Variants in UBE4B observed in about 807,000 individuals in gnomAD.
UBE4B encodes ubiquitination factor E4B.
Under a neutral mutation model 148.1 loss-of-function variants are expected in UBE4B, and 27 were observed. That is an observed-to-expected ratio of 0.18 (90% CI 0.13 to 0.25). The LOEUF is 0.25. Among genes scored for constraint, UBE4B ranks in the 10% least tolerant of loss-of-function variants. The pLI is 1.00. For synonymous variants in UBE4B, 596 were observed against 619.3 expected (o/e 0.96, Z 0.56); for missense variants, 1,170 against 1,662.4 (o/e 0.70, Z 5.15).
chr1:10,100,618 G>T (rs574348873), intron 3 of UBE4B, among the ~76,000 whole-genome samples: 2 of 152,168 alleles, frequency 1.3e-5, no homozygotes, highest in African/African-American at 4.8e-5. Flanking sequence ...GCAATGGTGC[G>T]ATCTCGGCTT....
intron 1 of UBE4B, among the ~76,000 whole-genome samples, chr1:10,036,349 G>GA (rs1284777248): frequency 6.6e-6 from 1 of 151,856 alleles, no homozygotes; most frequent in East Asian, 1.9e-4. Context: ...TAAAATAAAT[G>GA]AAAAAAATTA....
At chr1:10,052,095 C>A (rs61782895) in intron 1 of UBE4B, among the ~76,000 whole-genome samples, 5,381 of 148,992 alleles carry the variant, frequency 0.036, 149 homozygotes, top group South Asian at 0.081. Flanking sequence ...GAGACGGGGT[C>A]TTGCTCTGTC....
chr1:10,157,584 C>A (rs998647531), intron 21 of UBE4B, among the ~76,000 whole-genome samples: 1 of 152,064 alleles, frequency 6.6e-6, no homozygotes, highest in Non-Finnish European at 1.5e-5. Flanking sequence ...TCGAGACAAT[C>A]CTGGCCAATA....
rs761416677 is a variant in UBE4B, at chr1:10,106,512, G to A, written c.1125G>A (p.Thr375=). 39 of 1,611,400 alleles carry A rather than the reference G, an allele frequency of 2.4e-5. No individual in the cohort carries two copies. The South Asian group carries it at 3.6e-4, about 15-fold the overall frequency. ...GTTCCAGACAGAGGCCCAGCAGCAC[G>A]GGTCCACCCCTACCACCCGCCTCAC... ...ASSSRQRPSS[T]GPPLPPASPS... The change falls in exon 7 of 28, where the codon ACG becomes ACA. Residue 375 remains threonine (T), a synonymous_variant. Coordinates refer to ENST00000343090, the MANE Select transcript of UBE4B (RefSeq NM_001105562.3). The surrounding 1 kb of genome is among the most constrained non-coding windows in gnomAD (Gnocchi z 4.2).
intron 21 of UBE4B, among the ~76,000 whole-genome samples, chr1:10,156,543 T>C (rs1204249958): frequency 6.6e-6 from 1 of 152,124 alleles, no homozygotes; most frequent in East Asian, 1.9e-4. Context: ...GAGATACATA[T>C]TGCTACATAA....
Position 10,171,204 on chromosome 1 carries a change from C to T in UBE4B, c.3400C>T (p.Arg1134Cys), listed in dbSNP as rs1801442. 25 of 1,614,022 alleles carry T rather than the reference C, an allele frequency of 1.5e-5. No homozygotes were observed. Among genetic ancestry groups the T allele is most frequent in the South Asian group, 2.2e-5 (2 of 91,086 alleles). Residue 1134 changes from arginine (R) to cysteine (C), a missense_variant, in exon 25 of 28, where the codon CGT becomes TGT. Around this residue, in one of 6 missense-constraint regions of UBE4B, gnomAD observed 348 missense variants for 627.2 expected, o/e 0.55. Coordinates refer to ENST00000343090, the MANE Select transcript of UBE4B (RefSeq NM_001105562.3). ...NLQQLCGPKC[R>C]DLKVENPEKY... ...TCAGCAACTTTGTGGCCCCAAGTGC[C>T]GTGACCTGAAAGTTGAAAACCCTGA...
chr1:10,171,441 T>G, intron 25 of UBE4B, 112 bp downstream of exon 25: 1 of 1,341,802 alleles, frequency 7.5e-7, no homozygotes, highest in Non-Finnish European at 1.0e-6. Context: ...GTTGTTTTCC[T>G]TTGAGTGTGA....
Position 10,135,008 on chromosome 1 carries a change from T to C in UBE4B, c.2046T>C (p.Ser682=), listed in dbSNP as rs1645655026. Residue 682 remains serine, a synonymous_variant, in exon 16 of 28, where the codon TCT becomes TCC. Transcript: ENST00000343090. ...AQMQTDDRLV[S]TDGFMLNFLW... ...CACAGACAGATGATAGATTGGTGTCTACAGATGGATTTATGCTGAATTTCC... is the reference window on the plus strand; with the variant it reads ...CACAGACAGATGATAGATTGGTGTCCACAGATGGATTTATGCTGAATTTCC... 7 of 1,614,058 alleles carry C rather than the reference T, an allele frequency of 4.3e-6. No homozygotes were observed. Among genetic ancestry groups the C allele is most frequent in the Middle Eastern group, 1.6e-4 (1 of 6,084 alleles).
intron 2 of UBE4B, among the ~76,000 whole-genome samples, chr1:10,093,083 A>T (rs577011061): frequency 1.3e-5 from 2 of 152,226 alleles, no homozygotes; most frequent in African/African-American, 2.4e-5. Context: ...TATTGTACAC[A>T]TACTATACTA....
chr1:10,139,886 G>T (rs758917857), intron 17 of UBE4B, among the ~76,000 whole-genome samples: 1 of 151,988 alleles, frequency 6.6e-6, no homozygotes, highest in Non-Finnish European at 1.5e-5. Context: ...GTGCCACCAC[G>T]CCCAGCTAAT....
Position 10,161,026 on chromosome 1 carries a change from A to G in UBE4B, c.3054-116A>G. The G allele has an allele frequency of 5.9e-6, 7 of 1,177,012 alleles. No individual in the cohort carries two copies. The highest frequency in any genetic ancestry group is 8.4e-6 in the Non-Finnish European group (7 of 828,934). 72.9% of individuals were successfully genotyped at this position (1,177,012 alleles called of 1,614,324 possible). ...GTGCCTGACTTGTGCCAGGGTAGCC[A>G]GGCTTTTAGGGTGAGATAGTTGCAG... On this transcript the variant is annotated intron_variant, in intron 22 of 27. Coordinates refer to ENST00000343090, the MANE Select transcript of UBE4B (RefSeq NM_001105562.3). The surrounding 1 kb of genome is among the most constrained non-coding windows in gnomAD (Gnocchi z 4.1).
At chr1:10,101,976 G>GGTGTGTGT (rs35021874) in intron 4 of UBE4B, among the ~76,000 whole-genome samples, 1 of 147,472 alleles carries the variant, frequency 6.8e-6, no homozygotes, top group African/African-American at 2.5e-5. Context: ...CTGCATTTAG[G>GGTGTGTGT]GTGTGTGTGT....
In UBE4B at chr1:10,107,576, CTT is replaced by C. The variant is rs60975850; in HGVS notation, c.1196+1010_1196+1011del. On this transcript the variant is annotated intron_variant, in intron 7 of 27. Transcript: ENST00000343090. Reference sequence around the variant, plus strand: ...ATTTTCTTTTTTTCTTTCTTTCTTTCTTTTTTTTTTTTTTTTTTGAGGCAGAG... The same window carrying C: ...ATTTTCTTTTTTTCTTTCTTTCTTTCTTTTTTTTTTTTTTTTGAGGCAGAG... Among the ~76,000 whole-genome samples, 375 of 128,208 alleles carry C rather than the reference CTT, an allele frequency of 2.9e-3. 1 individual carries two copies. Among genetic ancestry groups the C allele is most frequent in the Admixed American group, 4.7e-3 (61 of 12,854 alleles). 84.1% of individuals were successfully genotyped at this position (128,208 alleles called of 152,430 possible).
chr1:10,093,736 C>T (rs148540121), intron 2 of UBE4B, among the ~76,000 whole-genome samples: 2 of 151,290 alleles, frequency 1.3e-5, no homozygotes, highest in South Asian at 4.2e-4. Context: ...GCTCTGTCAC[C>T]CAGGCTGCAG....
At chr1:10,089,618 A>G (rs894583873) in intron 2 of UBE4B, among the ~76,000 whole-genome samples, 2 of 152,294 alleles carry the variant, frequency 1.3e-5, no homozygotes, top group Admixed American at 1.3e-4. Flanking sequence ...GTCAAGAGCT[A>G]TATAAATAAG....
chr1:10,041,620 C>T (rs1043564532), intron 1 of UBE4B, among the ~76,000 whole-genome samples: 5 of 151,950 alleles, frequency 3.3e-5, no homozygotes, highest in South Asian at 2.1e-4. Context: ...CAAGCGTGAA[C>T]GACTGTGCCC....
chr1:10,075,877 C>T (rs1219975841), intron 2 of UBE4B, among the ~76,000 whole-genome samples: 2 of 152,054 alleles, frequency 1.3e-5, no homozygotes, highest in African/African-American at 4.8e-5. Flanking sequence ...CATAGCAAAA[C>T]CCCGTCTCTA....
chr1:10,102,390 T>TG, intron 4 of UBE4B, among the ~76,000 whole-genome samples: 1 of 115,982 alleles, frequency 8.6e-6, no homozygotes, highest in Non-Finnish European at 1.8e-5. Context: ...ATGACTTTGC[T>TG]CTTTTTTTTT....
chr1:10,134,325 A>G (rs1303318564), intron 15 of UBE4B, among the ~76,000 whole-genome samples: 1 of 152,032 alleles, frequency 6.6e-6, no homozygotes, highest in Non-Finnish European at 1.5e-5. Context: ...AGCCTGGCCA[A>G]TATGGTGAAA....
Sources: allele counts gnomAD v4.1 joint callset (sites outside exome capture counted in the v4.1 genomes callset), GRCh38; gene constraint gnomAD v4.1.1; regional missense constraint gnomAD v4.1.1; non-coding constraint Gnocchi (gnomAD v3.1); transcripts MANE v1.5; gene names NCBI Gene and HGNC (gene_info 2026-07-23, HGNC 2026-07-21).